Variants in ATRNL1 observed in about 807,000 individuals in gnomAD.
ATRNL1 encodes the protein attractin-like protein 1.
In ATRNL1, 95 loss-of-function variants were observed where a neutral mutation model predicts 182.7. The observed-to-expected ratio is 0.52, with a 90% CI of 0.44 to 0.62. The LOEUF is 0.62. ATRNL1 is among the 20% of genes least tolerant of loss of function. The pLI, the probability that ATRNL1 is intolerant of heterozygous loss-of-function variation, is 0.00. For missense variants in ATRNL1, 1,471 were observed against 1,679.5 expected, an observed-to-expected ratio of 0.88 and a Z score of 2.17; for synonymous variants, 576 against 568.3, an observed-to-expected ratio of 1.01 and a Z score of -0.19.
In ATRNL1 at chr10:115,946,038, C is replaced by A. The variant is rs549224442; in HGVS notation, c.*1259C>A. 6.6e-6 allele frequency: 1 copy of A among 152,324 alleles called. No individual in the cohort carries two copies. The highest frequency in any genetic ancestry group is 1.5e-5 in the Non-Finnish European group (1 of 68,032). 9.4% of individuals were successfully genotyped at this position (152,324 alleles called of 1,614,324 possible). A position where few individuals can be genotyped will look rare whatever the true frequency, so the allele number is the denominator to read the frequency against. On this transcript the variant is annotated 3_prime_UTR_variant, in exon 29 of 29. Transcript: ENST00000355044. ...TTACATCCTAATACTGACCACAGTT[C>A]ACTAAAGCTCAGTAGCATTAACAGA...
chr10:115,116,497 T>A (rs564673424), intron 1 of ATRNL1, among the ~76,000 whole-genome samples: 83 of 151,812 alleles, frequency 5.5e-4, no homozygotes, highest in African/African-American at 1.9e-3. Context: ...GGTCCTGGAG[T>A]GCAAGACTTC....
chr10:115,490,200 G>A (rs1358949459), intron 24 of ATRNL1, among the ~76,000 whole-genome samples: 1 of 152,030 alleles, frequency 6.6e-6, no homozygotes, highest in Admixed American at 6.6e-5. Flanking sequence ...ATGATTATGT[G>A]TCTTGGGGTT....
At chr10:115,553,215 T>C (rs1853103313) in intron 26 of ATRNL1, among the ~76,000 whole-genome samples, 1 of 151,216 alleles carries the variant, frequency 6.6e-6, no homozygotes, top group Admixed American at 6.6e-5. Flanking sequence ...AAGAAGTTAA[T>C]TTTTTTCCAT....
At chr10:115,737,866 A>G (rs1948004628) in intron 27 of ATRNL1, among the ~76,000 whole-genome samples, 1 of 151,998 alleles carries the variant, frequency 6.6e-6, no homozygotes, top group South Asian at 2.1e-4. Flanking sequence ...TTCTCTCTAG[A>G]CCAAGCCTCT....
At chr10:115,612,470 A>G (rs1268643275) in intron 26 of ATRNL1, among the ~76,000 whole-genome samples, 3 of 152,180 alleles carry the variant, frequency 2.0e-5, no homozygotes, top group African/African-American at 4.8e-5. Flanking sequence ...TATGTGGACT[A>G]TGGGGATCAT....
At chr10:115,909,149 CT>C (rs1356397957) in intron 28 of ATRNL1, among the ~76,000 whole-genome samples, 1 of 151,994 alleles carries the variant, frequency 6.6e-6, no homozygotes, top group East Asian at 1.9e-4. Context: ...CTCTCTCCCC[CT>C]AGGCGCAATC....
chr10:115,898,971 A>C (rs1487040534), intron 28 of ATRNL1, among the ~76,000 whole-genome samples: 1 of 134,386 alleles, frequency 7.4e-6, no homozygotes, highest in African/African-American at 2.8e-5. Flanking sequence ...TTTTTTTTTT[A>C]TTATACTTTA....
intron 19 of ATRNL1, among the ~76,000 whole-genome samples, chr10:115,385,802 T>C (rs1283601562): frequency 1.3e-5 from 2 of 152,170 alleles, no homozygotes; most frequent in African/African-American, 2.4e-5. Context: ...TCTAGCACCA[T>C]TTGTTGAAAT....
chr10:115,875,992 T>C (rs1951691730), intron 28 of ATRNL1, among the ~76,000 whole-genome samples: 1 of 152,116 alleles, frequency 6.6e-6, no homozygotes, highest in African/African-American at 2.4e-5. Context: ...AAAGGCAAAG[T>C]AGGAGATCAA....
chr10:115,310,761 A>G (rs1405365068), intron 17 of ATRNL1, among the ~76,000 whole-genome samples: 3 of 152,136 alleles, frequency 2.0e-5, no homozygotes, highest in Non-Finnish European at 4.4e-5. Flanking sequence ...TTATCTTTTC[A>G]AAAAGACTAG....
At chr10:115,710,559 C>A (rs1947034259) in intron 26 of ATRNL1, among the ~76,000 whole-genome samples, 1 of 152,054 alleles carries the variant, frequency 6.6e-6, no homozygotes, top group African/African-American at 2.4e-5. Flanking sequence ...TCTTGATTTG[C>A]TTTGCTAATA....
intron 24 of ATRNL1, among the ~76,000 whole-genome samples, chr10:115,478,647 A>G (rs1848633218): frequency 6.6e-6 from 1 of 151,704 alleles, no homozygotes; most frequent in African/African-American, 2.4e-5. Context: ...TTTCCATTGT[A>G]TTCACAGATT....
intron 26 of ATRNL1, among the ~76,000 whole-genome samples, chr10:115,706,520 C>A (rs1160163846): frequency 2.0e-5 from 3 of 151,784 alleles, no homozygotes; most frequent in African/African-American, 4.8e-5. Context: ...ACTATCTGAC[C>A]AAATCACATA....
chr10:115,362,979 A>G (rs1554944758), intron 19 of ATRNL1, among the ~76,000 whole-genome samples: 5 of 152,114 alleles, frequency 3.3e-5, no homozygotes. Flanking sequence ...TGCAATAAAC[A>G]TACGTGTGCA....
At chr10:115,285,557 C>T (rs897082199) in intron 14 of ATRNL1, among the ~76,000 whole-genome samples, 2 of 151,988 alleles carry the variant, frequency 1.3e-5, no homozygotes, top group African/African-American at 4.8e-5. Flanking sequence ...TTTTGGAAAA[C>T]GGTGTTTCAA....
At chr10:115,502,987 A>G (rs1338523278) in intron 24 of ATRNL1, among the ~76,000 whole-genome samples, 2 of 152,040 alleles carry the variant, frequency 1.3e-5, no homozygotes, top group African/African-American at 2.4e-5. Flanking sequence ...CTGGCCCTGT[A>G]TGTCTCAGGA....
chr10:115,531,796 A>G (rs1479481211), intron 25 of ATRNL1, among the ~76,000 whole-genome samples: 1 of 148,172 alleles, frequency 6.7e-6, no homozygotes, highest in African/African-American at 2.4e-5. Context: ...ATCTTGAATT[A>G]ATTTTTGTAT....
intron 26 of ATRNL1, among the ~76,000 whole-genome samples, chr10:115,710,859 C>T (rs537813682): frequency 4.6e-5 from 7 of 152,110 alleles, no homozygotes; most frequent in African/African-American, 1.7e-4. Context: ...AAGGGTAAAG[C>T]TATAAGTGAG....
chr10:115,185,252 G>A (rs1391686550), intron 8 of ATRNL1, among the ~76,000 whole-genome samples: 1 of 152,036 alleles, frequency 6.6e-6, no homozygotes, highest in South Asian at 2.1e-4. Context: ...CTGAGCACTC[G>A]TATTCCCAGA....
Sources: gnomAD v4.1 joint callset for allele counts (sites outside exome capture counted in the v4.1 genomes callset) on GRCh38, gnomAD v4.1.1 for gene constraint, MANE v1.5 for transcripts, NCBI Gene and HGNC (gene_info 2026-07-23, HGNC 2026-07-21) for gene names.